The following ADAM18 variants were observed in gnomAD, a reference collection of about 807,000 sequenced individuals.
ADAM18 encodes the protein disintegrin and metalloproteinase domain-containing protein 18.
Under a neutral mutation model 94.4 loss-of-function variants are expected in ADAM18, and 117 were observed. The observed-to-expected ratio is 1.24, with a 90% CI of 1.07 to 1.45. ADAM18 has a LOEUF of 1.45. Among genes scored for constraint, ADAM18 ranks in the 40% most tolerant of loss-of-function variants. The pLI, the probability that ADAM18 is intolerant of heterozygous loss-of-function variation, is 0.00. For synonymous variants in ADAM18, 327 were observed against 291.6 expected, an observed-to-expected ratio of 1.12 and a Z score of -1.24; for missense variants, 936 against 880.0, an observed-to-expected ratio of 1.06 and a Z score of -0.81.
At chr8:39,691,214 T>C (rs773862042) in intron 16 of ADAM18, among the ~76,000 whole-genome samples, 3 of 152,180 alleles carry the variant, frequency 2.0e-5, no homozygotes, top group Non-Finnish European at 4.4e-5. Context: ...TTAAAATATG[T>C]ACCATTTGTG....
intron 14 of ADAM18, among the ~76,000 whole-genome samples, chr8:39,672,156 A>G (rs1357592268): frequency 6.6e-6 from 1 of 152,190 alleles, no homozygotes; most frequent in Non-Finnish European, 1.5e-5. Context: ...AGGCTCAGGG[A>G]AGTGGGAATA....
intron 5 of ADAM18, 43 bp downstream of exon 5, chr8:39,609,604 A>C: frequency 7.0e-7 from 1 of 1,424,744 alleles, no homozygotes; most frequent in South Asian, 1.2e-5. Flanking sequence ...AGAACTTAAG[A>C]TAGTCTTTAA....
intron 16 of ADAM18, among the ~76,000 whole-genome samples, chr8:39,689,240 G>A (rs1462641572): frequency 2.0e-5 from 3 of 152,052 alleles, no homozygotes; most frequent in Non-Finnish European, 4.4e-5. Flanking sequence ...TTTTGCTTTT[G>A]TTGCAATTGC....
intron 18 of ADAM18, among the ~76,000 whole-genome samples, chr8:39,716,277 T>C (rs946167463): frequency 6.6e-5 from 10 of 152,040 alleles, no homozygotes; most frequent in Non-Finnish European, 1.2e-4. Flanking sequence ...CTTTGAAGGG[T>C]AATGTTAGGT....
intron 6 of ADAM18, among the ~76,000 whole-genome samples, chr8:39,628,587 A>C (rs1463595373): frequency 6.6e-6 from 1 of 152,068 alleles, no homozygotes; most frequent in African/African-American, 2.4e-5. Flanking sequence ...ATTTTAACTC[A>C]GACTATTCTA....
In ADAM18 at chr8:39,601,024, A is replaced by C. The variant is rs1293392453; in HGVS notation, c.133-5283A>C. Among the ~76,000 whole-genome samples, 4 of 152,312 alleles carry C rather than the reference A, an allele frequency of 2.6e-5. No individual in the cohort carries two copies. The East Asian group carries it at 7.7e-4, about 29-fold the overall frequency. ...GGGAGGCCTCAGGAAACATTCAGTC[A>C]TGGTGGAAGGGGAAGGGGAAGTAGG... is the stretch of plus-strand genomic sequence containing the variant. On this transcript the variant is annotated intron_variant, in intron 2 of 19. Coordinates refer to ENST00000265707, the MANE Select transcript of ADAM18 (RefSeq NM_014237.3).
intron 2 of ADAM18, among the ~76,000 whole-genome samples, chr8:39,593,260 T>C (rs1178213124): frequency 6.6e-6 from 1 of 152,194 alleles, no homozygotes; most frequent in Non-Finnish European, 1.5e-5. Flanking sequence ...TGTTTGCTTT[T>C]ATGTTATGGG....
At chr8:39,675,930 C>A (rs1821288651) in intron 14 of ADAM18, among the ~76,000 whole-genome samples, 1 of 152,232 alleles carries the variant, frequency 6.6e-6, no homozygotes, top group Admixed American at 6.5e-5. Context: ...ACTCCAGACC[C>A]TGTTTCCCTG....
chr8:39,587,496 G>A (rs1818438748), intron 2 of ADAM18, among the ~76,000 whole-genome samples: 2 of 152,194 alleles, frequency 1.3e-5, no homozygotes, highest in African/African-American at 4.8e-5. Flanking sequence ...CCAGGCTGGA[G>A]TGCAGTGGTG....
intron 7 of ADAM18, among the ~76,000 whole-genome samples, chr8:39,636,001 G>GTTTTTTTTTTTTTT (rs199533879): frequency 7.1e-6 from 1 of 141,812 alleles, no homozygotes; most frequent in African/African-American, 2.6e-5. Context: ...TAACCATTAA[G>GTTTTTTTTTTTTTT]TTTTTTTGTT....
rs200484462 is a variant in ADAM18 at position 39,618,357 on chromosome 8, A to G, written c.522+7651A>G. Among the ~76,000 whole-genome samples, 15 of 152,308 alleles carry G rather than the reference A, an allele frequency of 9.8e-5. No individual in the cohort carries two copies. The East Asian group carries it at 1.5e-3, about 16-fold the overall frequency. ...GTGGGGGTAGGTTAGTGAGGGATTT[A>G]GGGTCATTTGATTGTGAGGTGAGAT... is the stretch of plus-strand genomic sequence containing the variant. On this transcript the variant is annotated intron_variant, in intron 6 of 19. Coordinates refer to ENST00000265707, the MANE Select transcript of ADAM18 (RefSeq NM_014237.3).
At chr8:39,654,389 C>T (rs1387000357) in intron 12 of ADAM18, among the ~76,000 whole-genome samples, 1 of 151,230 alleles carries the variant, frequency 6.6e-6, no homozygotes, top group East Asian at 1.9e-4. Flanking sequence ...CTTTTTATGG[C>T]TGAATAATAT....
chr8:39,598,157 GA>G (rs1818795152), intron 2 of ADAM18, among the ~76,000 whole-genome samples: 2 of 152,014 alleles, frequency 1.3e-5, no homozygotes, highest in South Asian at 2.1e-4. Flanking sequence ...TTTGGTTCCA[GA>G]AGGTTTTTTC....
chr8:39,668,114 T>G lies in ADAM18; in HGVS notation c.1443T>G (p.Arg481=). 2 of 1,614,116 alleles carry G rather than the reference T, an allele frequency of 1.2e-6. No homozygotes were observed. The highest frequency in any genetic ancestry group is 2.2e-5 in the South Asian group (2 of 91,088). ...CTGACACTTATGCATTGAATGGCCG[T>G]TTGTGCAAGTTGGGAACTGCCTATT... The part of the protein sequence containing the change: ...CVPDTYALNG[R]LCKLGTAYCY... Residue 481 remains arginine (R), a synonymous_variant, in exon 14 of 20, where the codon CGT becomes CGG. Transcript: ENST00000265707.
intron 14 of ADAM18, among the ~76,000 whole-genome samples, chr8:39,676,748 A>T (rs963936342): frequency 1.3e-5 from 2 of 152,196 alleles, no homozygotes; most frequent in Non-Finnish European, 2.9e-5. Flanking sequence ...GGAGCTGCAG[A>T]CTGGAGTTGT....
chr8:39,692,797 A>G (rs1821818973), intron 17 of ADAM18, 117 bp downstream of exon 17: 5 of 666,470 alleles, frequency 7.5e-6, no homozygotes, highest in Admixed American at 3.4e-5. Context: ...ACTAATATAA[A>G]GAAAATTAAC....
At chr8:39,642,698 C>T (rs993826745) in intron 10 of ADAM18, among the ~76,000 whole-genome samples, 3 of 151,828 alleles carry the variant, frequency 2.0e-5, no homozygotes, top group Non-Finnish European at 2.9e-5. Context: ...ACCATGATGT[C>T]TCCAGCTTTG....
At chr8:39,653,295 T>TA (rs1820589041) in intron 12 of ADAM18, among the ~76,000 whole-genome samples, 1 of 152,090 alleles carries the variant, frequency 6.6e-6, no homozygotes, top group Non-Finnish European at 1.5e-5. Flanking sequence ...TGTCGATTTT[T>TA]TAAAAAATGT....
At chr8:39,632,305 C>A (rs991215187) in intron 7 of ADAM18, among the ~76,000 whole-genome samples, 2 of 151,988 alleles carry the variant, frequency 1.3e-5, no homozygotes, top group African/African-American at 4.8e-5. Context: ...TTTCCCCTAA[C>A]TTGCAGATTA....
Sources: allele counts gnomAD v4.1 joint callset (sites outside exome capture counted in the v4.1 genomes callset), GRCh38; gene constraint gnomAD v4.1.1; transcripts MANE v1.5; gene names NCBI Gene and HGNC (gene_info 2026-07-23, HGNC 2026-07-21).